Variants in ADARB2 observed in about 807,000 individuals in gnomAD.
ADARB2 encodes the protein adenosine deaminase RNA specific B2 (inactive).
ADARB2 carries 25 observed loss-of-function variants against 62.2 expected under a neutral mutation model. That is an observed-to-expected ratio of 0.40 (90% CI 0.29 to 0.56). The LOEUF (loss-of-function observed/expected upper bound fraction) is 0.56. Among genes scored for constraint, ADARB2 ranks in the 20% least tolerant of loss-of-function variants. The pLI is 0.43. For synonymous variants in ADARB2, 572 were observed against 500.8 expected, an observed-to-expected ratio of 1.14 and a Z score of -1.90; for missense variants, 1,071 against 1,077.4, an observed-to-expected ratio of 0.99 and a Z score of 0.08.
intron 4 of ADARB2, among the ~76,000 whole-genome samples, chr10:1,270,255 C>T (rs1340240089): frequency 1.3e-5 from 2 of 152,156 alleles, no homozygotes; most frequent in African/African-American, 2.4e-5. Context: ...TAGATTTTGC[C>T]GGCACATGCA....
intron 1 of ADARB2, among the ~76,000 whole-genome samples, chr10:1,543,125 G>C (rs2676748): frequency 0.076 from 11,623 of 152,310 alleles, 1,428 homozygotes; most frequent in African/African-American, 0.26. Flanking sequence ...GTGTGGGGTG[G>C]CTTCCCTGCT....
intron 1 of ADARB2, among the ~76,000 whole-genome samples, chr10:1,418,925 C>T (rs755808282): frequency 3.9e-5 from 6 of 152,138 alleles, no homozygotes; most frequent in Non-Finnish European, 7.3e-5. Context: ...GTGTCCTGCG[C>T]CCCTTTGGTA....
intron 1 of ADARB2, among the ~76,000 whole-genome samples, chr10:1,656,240 C>G (rs1834170742): frequency 6.6e-6 from 1 of 152,180 alleles, no homozygotes; most frequent in South Asian, 2.1e-4. Flanking sequence ...TTGAAATAAT[C>G]CCCCTTGTGT....
intron 3 of ADARB2, among the ~76,000 whole-genome samples, chr10:1,334,743 A>AT (rs11343972): frequency 1.3e-5 from 2 of 151,886 alleles, no homozygotes; most frequent in East Asian, 1.9e-4. Context: ...TTAATGTTTG[A>AT]TTTTTTTAAA....
At chr10:1,415,013 GGATA>G (rs1358786458) in intron 1 of ADARB2, among the ~76,000 whole-genome samples, 1 of 151,354 alleles carries the variant, frequency 6.6e-6, no homozygotes. Context: ...ATGGATGGAT[GGATA>G]GATGGATGAT....
chr10:1,578,877 G>A (rs1420347609), intron 1 of ADARB2, among the ~76,000 whole-genome samples: 1 of 152,092 alleles, frequency 6.6e-6, no homozygotes, highest in Non-Finnish European at 1.5e-5. Context: ...CATTCTCCCT[G>A]GGGCCCTGGG....
intron 4 of ADARB2, among the ~76,000 whole-genome samples, chr10:1,247,750 G>A (rs1490761097): frequency 6.6e-6 from 1 of 152,198 alleles, no homozygotes; most frequent in Non-Finnish European, 1.5e-5. Flanking sequence ...GGGACAGCGC[G>A]AGGGTGCTGC....
intron 1 of ADARB2, among the ~76,000 whole-genome samples, chr10:1,620,400 C>T (rs1406334629): frequency 1.3e-5 from 2 of 152,070 alleles, no homozygotes; most frequent in Non-Finnish European, 2.9e-5. Flanking sequence ...GGGGAAATTA[C>T]TGGAAATGCG....
At chr10:1,401,357 C>T (rs1402849922) in intron 1 of ADARB2, among the ~76,000 whole-genome samples, 4 of 152,216 alleles carry the variant, frequency 2.6e-5, no homozygotes, top group Admixed American at 6.5e-5. Context: ...CCCCGGCCTT[C>T]GGTCATGCTG....
At chr10:1,376,308 G>A (rs1235756303) in intron 2 of ADARB2, among the ~76,000 whole-genome samples, 1 of 152,234 alleles carries the variant, frequency 6.6e-6, no homozygotes. Context: ...CATTTCAAGA[G>A]CATTTTAACT....
chr10:1,561,345 T>G (rs1832784753), intron 1 of ADARB2, among the ~76,000 whole-genome samples: 1 of 152,188 alleles, frequency 6.6e-6, no homozygotes, highest in Non-Finnish European at 1.5e-5. Context: ...GATACATGAA[T>G]TTATTTTCAT....
intron 1 of ADARB2, among the ~76,000 whole-genome samples, chr10:1,586,865 G>A (rs755239240): frequency 7.2e-5 from 11 of 152,080 alleles, no homozygotes; most frequent in African/African-American, 1.7e-4. Context: ...TTATTAACTC[G>A]TTAAAATATG....
At chr10:1,533,244 G>A (rs1363657097) in intron 1 of ADARB2, among the ~76,000 whole-genome samples, 3 of 151,056 alleles carry the variant, frequency 2.0e-5, no homozygotes, top group Admixed American at 6.6e-5. Context: ...TCAGCCTCCC[G>A]AGTAGCTGGG....
At chr10:1,679,826 C>T (rs61151207) in intron 1 of ADARB2, among the ~76,000 whole-genome samples, 3,131 of 152,294 alleles carry the variant, frequency 0.021, 116 homozygotes, top group African/African-American at 0.07. Context: ...ATGCCTGCTG[C>T]CTGGACGACT....
intron 1 of ADARB2, among the ~76,000 whole-genome samples, chr10:1,710,917 T>C (rs1026902171): frequency 1.8e-4 from 28 of 152,190 alleles, no homozygotes; most frequent in African/African-American, 6.5e-4. Flanking sequence ...TGTCCGGTGG[T>C]CCTGCAGGGT....
intron 1 of ADARB2, among the ~76,000 whole-genome samples, chr10:1,437,795 C>CG (rs1231382275): frequency 1.3e-5 from 2 of 152,070 alleles, no homozygotes; most frequent in Non-Finnish European, 2.9e-5. Context: ...AAAAGTGACA[C>CG]GGAATGTGCA....
intron 3 of ADARB2, among the ~76,000 whole-genome samples, chr10:1,351,867 G>T (rs796619682): frequency 0.036 from 5,124 of 140,668 alleles, 220 homozygotes; most frequent in African/African-American, 0.097. Flanking sequence ...GTTAGTTCAG[G>T]ATCTGTGCCT....
chr10:1,331,299 T>G (rs1209948531), intron 3 of ADARB2, among the ~76,000 whole-genome samples: 1 of 152,192 alleles, frequency 6.6e-6, no homozygotes, highest in Non-Finnish European at 1.5e-5. Flanking sequence ...AACCACATAT[T>G]CAAGTGTTCA....
At chr10:1,335,248 T>TTGGA (rs1831962647) in intron 3 of ADARB2, among the ~76,000 whole-genome samples, 1 of 99,904 alleles carries the variant, frequency 1.0e-5, no homozygotes, top group Admixed American at 1.0e-4. Context: ...GGATGGAGGG[T>TTGGA]GGGAGGGATG....
Sources: gnomAD v4.1 joint callset for allele counts (sites outside exome capture counted in the v4.1 genomes callset) on GRCh38, gnomAD v4.1.1 for gene constraint, MANE v1.5 for transcripts, NCBI Gene and HGNC (gene_info 2026-07-23, HGNC 2026-07-21) for gene names.